The following GBGT1 variants were observed in gnomAD, a reference collection of about 807,000 sequenced individuals.
The protein encoded by GBGT1 is globoside alpha-1,3-N-acetylgalactosaminyltransferase 1 (FORS blood group).
A neutral mutation model predicts 20.9 loss-of-function variants in GBGT1; 18 were observed. The ratio of observed to expected loss-of-function variants is 0.86; its 90% confidence interval spans 0.60 to 1.28. The LOEUF is 1.28. Among genes scored for constraint, GBGT1 ranks in the 50% most tolerant of loss-of-function variants. The pLI is 0.00. For synonymous variants in GBGT1, 168 were observed against 180.8 expected (o/e 0.93, Z 0.57); for missense variants, 432 against 455.7 (o/e 0.95, Z 0.47).
rs1343782793 is a variant in GBGT1, at chr9:133,155,897, C to G, written c.224+4G>C. 3.1e-6 allele frequency: 5 copies of G among 1,614,128 alleles called. No homozygotes were observed. The highest frequency in any genetic ancestry group is 1.3e-5 in the African/African-American group (1 of 75,048). On this transcript the variant is annotated splice_donor_region_variant and intron_variant, in intron 5 of 6. Coordinates refer to ENST00000372040, the MANE Select transcript of GBGT1 (RefSeq NM_021996.6). ...CCCCCATCAGGCCTCTCCATGACAC[C>G]TACCTGTGCTCCAGCAGCTTGGGCT...
In GBGT1 at chr9:133,155,256, G is replaced by T. The variant is rs201954498; in HGVS notation, c.281C>A (p.Thr94Asn). ...GTGCTGCAGAAGCTCTGGGTTGAAG[G>T]TTCCCTCGGAGACGATGGGCGCCAA... ...PWLAPIVSEGTFNPELLQHIY... is the reference protein window; with the variant it reads ...PWLAPIVSEGNFNPELLQHIY... Residue 94 changes from threonine to asparagine, a missense_variant, in exon 6 of 7, where the codon ACC becomes AAC. Transcript: ENST00000372040. 22 of 1,613,894 alleles carry T rather than the reference G, an allele frequency of 1.4e-5. No individual in the cohort carries two copies. The highest frequency in any genetic ancestry group is 1.8e-5 in the Non-Finnish European group (21 of 1,179,958).
chr9:133,155,533 A>G (rs28397578), intron 5 of GBGT1, among the ~76,000 whole-genome samples: 3,002 of 152,286 alleles, frequency 0.02, 92 homozygotes, highest in African/African-American at 0.069. Context: ...CATTATTCAT[A>G]TGTGCCAAGC....
Position 133,154,930 on chromosome 9 carries a change from CA to C in GBGT1, c.359+247del. ...AGGGAGGGGCAAGGGGGCCTCCTGA[CA>C]AAGGCTCCTGCTGTCCCCTCACCTG... On this transcript the variant is annotated intron_variant, in intron 6 of 6. Transcript: ENST00000372040. This position sits in a 1 kb window ranked among gnomAD's most constrained non-coding sequence, Gnocchi z 4.2. 1 of 448,406 alleles carries C rather than the reference CA, an allele frequency of 2.2e-6. No individual in the cohort carries two copies. The highest frequency in any genetic ancestry group is 3.4e-5 in the East Asian group (1 of 29,296). The allele number at this position is 448,406 out of a possible 1,614,324, so 27.8% of individuals were successfully genotyped here.
At chr9:133,156,153 G>T in intron 3 of GBGT1, 88 bp from the exon 4 acceptor site, 3 of 1,459,512 alleles carry the variant, frequency 2.1e-6, no homozygotes, top group Non-Finnish European at 2.8e-6. Flanking sequence ...AGAGGCCCCT[G>T]CGGGTGGGCA....
Position 133,154,222 on chromosome 9 carries a change from C to A in GBGT1, c.399G>T (p.Glu133Asp). ...CCCGGTACCCACGCATGAAGAACTC[C>A]TCGGCTGACTCCAGGAAGGACTGGA... ...HFIQSFLESA[E>D]EFFMRGYRVH... The change falls in exon 7 of 7, where the codon GAG (glutamate) becomes GAT (aspartate). Residue 133 changes from glutamate (E) to aspartate (D), a missense_variant. Coordinates refer to ENST00000372040, the MANE Select transcript of GBGT1 (RefSeq NM_021996.6). This position sits in a 1 kb window ranked among gnomAD's most constrained non-coding sequence, Gnocchi z 4.2. The A allele has an allele frequency of 6.5e-7, 1 of 1,542,700 alleles. No homozygotes were observed. The highest frequency in any genetic ancestry group is 1.9e-5 in the Admixed American group (1 of 52,832).
At chr9:133,162,760 C>G (rs532199138) in intron 1 of GBGT1, among the ~76,000 whole-genome samples, 11 of 152,354 alleles carry the variant, frequency 7.2e-5, no homozygotes, top group Middle Eastern at 3.4e-3. Flanking sequence ...AGGCTGGTGT[C>G]CTGACCTCAG....
chr9:133,158,061 C>T (rs1046199675), intron 3 of GBGT1, among the ~76,000 whole-genome samples: 2 of 152,122 alleles, frequency 1.3e-5, no homozygotes, highest in African/African-American at 4.8e-5. Context: ...AGGAGAATCG[C>T]TTGAACCCGG....
intron 5 of GBGT1, 127 bp from the exon 6 acceptor site, chr9:133,155,439 C>G: frequency 1.8e-6 from 2 of 1,109,318 alleles, no homozygotes; most frequent in Non-Finnish European, 2.6e-6. Flanking sequence ...TCCCTTTCCT[C>G]ATATGGAAAG....
Position 133,154,040 on chromosome 9 carries a change from C to T in GBGT1, c.581G>A (p.Arg194Lys). 6.2e-7 allele frequency: 1 copy of T among 1,613,786 alleles called. No individual in the cohort carries two copies. Among genetic ancestry groups the T allele is most frequent in the Non-Finnish European group, 8.5e-7 (1 of 1,180,014 alleles). ...GAGGTAGTCCACCTCCCGGTGAGCC[C>T]TCTTAGCAATGTGCTGGCTGATGGT... ...METISQHIAK[R>K]AHREVDYLFC... The change falls in exon 7 of 7, where the codon AGG becomes AAG. Residue 194 changes from arginine to lysine, a missense_variant. Transcript: ENST00000372040. The surrounding 1 kb of genome is among the most constrained non-coding windows in gnomAD (Gnocchi z 4.2).
chr9:133,155,333 G>A (rs1250499467), intron 5 of GBGT1, 21 bp from the exon 6 acceptor site: 1 of 1,613,308 alleles, frequency 6.2e-7, no homozygotes, highest in Admixed American at 1.7e-5. Context: ...GGGGGCCGTG[G>A]GCACTGAGAC....
At chr9:133,157,120 C>CA (rs1391466861) in intron 3 of GBGT1, among the ~76,000 whole-genome samples, 2 of 151,996 alleles carry the variant, frequency 1.3e-5, no homozygotes, top group South Asian at 4.1e-4. Flanking sequence ...CTCATCTCTA[C>CA]AAAAACAACA....
At position 133,156,070 on chromosome 9, in the gene GBGT1, T is replaced by C. The variant is rs1191352149; in HGVS notation, c.138-5A>G. 5.6e-6 allele frequency: 9 copies of C among 1,613,892 alleles called. No individual in the cohort carries two copies. The highest frequency in any genetic ancestry group is 6.8e-6 in the Non-Finnish European group (8 of 1,179,942). On this transcript the variant is annotated splice_polypyrimidine_tract_variant and splice_region_variant and intron_variant, in intron 3 of 6. Coordinates refer to ENST00000372040, the MANE Select transcript of GBGT1 (RefSeq NM_021996.6). The stretch of plus-strand genomic sequence containing the variant: ...TTGTAGTGCAGCTTCATGTTGCTGG[T>C]GGCAGAGGCAAGAAAGAGCCATCAT...
In GBGT1 at chr9:133,153,984, T is replaced by C; in HGVS notation, c.637A>G (p.Asn213Asp). The C allele has an allele frequency of 6.2e-7, 1 of 1,613,816 alleles. No individual in the cohort carries two copies. Among genetic ancestry groups the C allele is most frequent in the Non-Finnish European group, 8.5e-7 (1 of 1,179,914 alleles). The change falls in exon 7 of 7, where the codon AAC becomes GAC. Residue 213 changes from asparagine (N) to aspartate (D), a missense_variant. Coordinates refer to ENST00000372040, the MANE Select transcript of GBGT1 (RefSeq NM_021996.6). ...CCCAAGGTCTCAGGGCCCCACGGGT[T>C]CCGAAACACCATGTCCACATCAAGG... ...FCLDVDMVFR[N>D]PWGPETLGDL...
Position 133,154,024 on chromosome 9 carries a change from C to T in GBGT1, c.597G>A (p.Val199=). The T allele has an allele frequency of 1.9e-6, 3 of 1,613,832 alleles. No individual in the cohort carries two copies. Among genetic ancestry groups the T allele is most frequent in the Non-Finnish European group, 2.5e-6 (3 of 1,180,008 alleles). The change falls in exon 7 of 7, where the codon GTG becomes GTA. Residue 199 remains valine, a synonymous_variant. Coordinates refer to ENST00000372040, the MANE Select transcript of GBGT1 (RefSeq NM_021996.6). The surrounding 1 kb of genome is among the most constrained non-coding windows in gnomAD (Gnocchi z 4.2). ...CCACATCAAGGCAGAAGAGGTAGTC[C>T]ACCTCCCGGTGAGCCCTCTTAGCAA... ...QHIAKRAHRE[V]DYLFCLDVDM...
At chr9:133,155,369 A>G (rs767431746) in intron 5 of GBGT1, 57 bp from the exon 6 acceptor site, 1 of 1,604,310 alleles carries the variant, frequency 6.2e-7, no homozygotes, top group East Asian at 2.2e-5. Flanking sequence ...CCTAAGTCTC[A>G]TCCCAGCCCT....
At chr9:133,156,858 T>G (rs1832885252) in intron 3 of GBGT1, among the ~76,000 whole-genome samples, 1 of 152,300 alleles carries the variant, frequency 6.6e-6, no homozygotes, top group South Asian at 2.1e-4. Flanking sequence ...GGGGTCTTAC[T>G]ATGTCGCCCA....
chr9:133,162,040 G>T (rs970239127), intron 2 of GBGT1, among the ~76,000 whole-genome samples: 1 of 151,990 alleles, frequency 6.6e-6, no homozygotes, highest in Non-Finnish European at 1.5e-5. Context: ...GGGTTGGTGG[G>T]ATCTGGAATC....
In GBGT1 at chr9:133,153,420, C is replaced by G; in HGVS notation, c.*157G>C. 1.9e-6 allele frequency: 1 copy of G among 539,616 alleles called. No homozygotes were observed. The highest frequency in any genetic ancestry group is 3.2e-6 in the Non-Finnish European group (1 of 307,702). 33.4% of individuals were successfully genotyped at this position (539,616 alleles called of 1,614,324 possible). ...GAGATCCTGTGTGCTACTGTGTGCA[C>G]AGCCCTCTGCAGTTCACAGTGGCCT... On this transcript the variant is annotated 3_prime_UTR_variant, in exon 7 of 7. Coordinates refer to ENST00000372040, the MANE Select transcript of GBGT1 (RefSeq NM_021996.6).
In GBGT1 at chr9:133,153,737, C is replaced by T; in HGVS notation, c.884G>A (p.Trp295Ter). The change falls in exon 7 of 7, where the codon TGG becomes TAG. Residue 295 changes from tryptophan (W) to a stop codon, truncating the protein, a stop_gained. Coordinates refer to ENST00000372040, the MANE Select transcript of GBGT1 (RefSeq NM_021996.6). LOFTEE classifies it high-confidence loss of function. ...ADKANGIMAAWREESHLNRHF... is the reference protein window; with the variant it reads ...ADKANGIMAA ...ACGGTTCAGGTGGCTTTCCTCCCGC[C>T]AGGCAGCCATGATGCCATTGGCCTT... is the stretch of plus-strand genomic sequence containing the variant. The T allele has an allele frequency of 6.2e-7, 1 of 1,613,614 alleles. No homozygotes were observed. The highest frequency in any genetic ancestry group is 8.5e-7 in the Non-Finnish European group (1 of 1,179,794).
Sources: gnomAD v4.1 joint callset for allele counts (sites outside exome capture counted in the v4.1 genomes callset) on GRCh38, gnomAD v4.1.1 for gene constraint, Gnocchi (gnomAD v3.1) non-coding constraint, MANE v1.5 for transcripts, NCBI Gene and HGNC (gene_info 2026-07-23, HGNC 2026-07-21) for gene names.